CCDC191: variants seen among roughly 807,000 people sequenced by gnomAD.
The protein encoded by CCDC191 is coiled-coil domain containing 191.
A neutral mutation model predicts 114.0 loss-of-function variants in CCDC191; 99 were observed. The observed-to-expected ratio is 0.87, with a 90% CI of 0.74 to 1.03. The LOEUF (loss-of-function observed/expected upper bound fraction) is 1.03, where lower values mean the gene tolerates loss of function less well. Among genes scored for constraint, CCDC191 ranks in the 50% least tolerant of loss-of-function variants. The probability of loss-of-function intolerance (pLI) is 0.00; values close to 1 mark genes in which losing one functional copy is unlikely to be tolerated. For synonymous variants in CCDC191, 351 were observed against 376.0 expected, an observed-to-expected ratio of 0.93 and a Z score of 0.77; for missense variants, 973 against 1,087.0, an observed-to-expected ratio of 0.90 and a Z score of 1.47.
intron 13 of CCDC191, among the ~76,000 whole-genome samples, chr3:113,993,115 TAA>T (rs928748610): frequency 6.6e-6 from 1 of 151,584 alleles, no homozygotes; most frequent in Non-Finnish European, 1.5e-5. Context: ...CCTTGCATGA[TAA>T]AAAAAAATTT....
At chr3:114,036,812 G>T (rs964646051) in intron 4 of CCDC191, 26 bp from the exon 5 acceptor site, 11 of 1,463,710 alleles carry the variant, frequency 7.5e-6, no homozygotes, top group Middle Eastern at 1.8e-4. Context: ...CAACAAAAAA[G>T]GGAATTTTTT....
At chr3:114,023,442 C>T (rs1255935722) in intron 7 of CCDC191, among the ~76,000 whole-genome samples, 1 of 152,192 alleles carries the variant, frequency 6.6e-6, no homozygotes, top group Non-Finnish European at 1.5e-5. Flanking sequence ...ATCTCACTAC[C>T]TGACTTCAAG....
intron 8 of CCDC191, among the ~76,000 whole-genome samples, chr3:114,011,266 G>A (rs1371023015): frequency 1.3e-5 from 2 of 151,946 alleles, no homozygotes; most frequent in East Asian, 3.8e-4. Flanking sequence ...CTGTTCTCAT[G>A]TCACAAGGGC....
chr3:114,038,691 A>G (rs940804796), intron 4 of CCDC191, among the ~76,000 whole-genome samples: 8 of 152,212 alleles, frequency 5.3e-5, no homozygotes, highest in Non-Finnish European at 7.3e-5. Flanking sequence ...GTTGAGGAAT[A>G]CTATGCAGCC....
At chr3:113,975,386 T>C (rs1343348860) in intron 16 of CCDC191, among the ~76,000 whole-genome samples, 2 of 152,220 alleles carry the variant, frequency 1.3e-5, no homozygotes, top group African/African-American at 2.4e-5. Flanking sequence ...TCATATAAAA[T>C]TGAATATGAA....
At chr3:114,030,580 ACT>A (rs1265405447) in intron 7 of CCDC191, among the ~76,000 whole-genome samples, 1 of 152,090 alleles carries the variant, frequency 6.6e-6, no homozygotes, top group African/African-American at 2.4e-5. Context: ...TGAAGCCAAA[ACT>A]CTGACCAAAT....
At chr3:113,989,945 C>T (rs181006835) in intron 13 of CCDC191, among the ~76,000 whole-genome samples, 84 of 152,266 alleles carry the variant, frequency 5.5e-4, no homozygotes, top group Non-Finnish European at 9.8e-4. Context: ...TGTGATCACA[C>T]CACTGCATTC....
intron 2 of CCDC191, among the ~76,000 whole-genome samples, chr3:114,051,698 T>C (rs2076699906): frequency 6.6e-6 from 1 of 152,210 alleles, no homozygotes; most frequent in Admixed American, 6.5e-5. Context: ...CCTTTCCATA[T>C]ATTCTCCCCT....
At chr3:114,008,707 A>G (rs2076016371) in intron 9 of CCDC191, among the ~76,000 whole-genome samples, 1 of 152,196 alleles carries the variant, frequency 6.6e-6, no homozygotes, top group Non-Finnish European at 1.5e-5. Flanking sequence ...AAAAGCATCA[A>G]TAGTCTTAAA....
chr3:114,056,553 G>C, upstream of CCDC191: 3 of 1,607,352 alleles, frequency 1.9e-6, no homozygotes, highest in Non-Finnish European at 2.5e-6. Flanking sequence ...GGGAATTGTA[G>C]TTCCTCCGCC....
At chr3:114,048,114 C>T (rs979296035) in intron 2 of CCDC191, among the ~76,000 whole-genome samples, 1 of 152,124 alleles carries the variant, frequency 6.6e-6, no homozygotes, top group African/African-American at 2.4e-5. Flanking sequence ...AAAACTTTGG[C>T]GTCCTTAATC....
intron 7 of CCDC191, among the ~76,000 whole-genome samples, chr3:114,030,322 C>T (rs1486750940): frequency 6.6e-6 from 1 of 152,088 alleles, no homozygotes; most frequent in Non-Finnish European, 1.5e-5. Flanking sequence ...AGAAAACACA[C>T]TTTATTTGTC....
At chr3:114,000,693 C>T (rs1487440986) in intron 13 of CCDC191, among the ~76,000 whole-genome samples, 2 of 151,866 alleles carry the variant, frequency 1.3e-5, no homozygotes, top group Non-Finnish European at 2.9e-5. Flanking sequence ...CTTTGCTGCC[C>T]GGGTTGGAGC....
rs1559903359 is a variant in CCDC191 at position 114,006,619 on chromosome 3, A to ATATATAT, written c.1414-658_1414-657insATATATA. On this transcript the variant is annotated intron_variant, in intron 9 of 16. Coordinates refer to ENST00000295878, the MANE Select transcript of CCDC191 (RefSeq NM_020817.2). The stretch of plus-strand genomic sequence containing the variant: ...ATATATATATATATATATATATATA[A>ATATATAT]ATATATATATTTTATATATAAAAAA... 1.2e-3 allele frequency among the ~76,000 whole-genome samples: 111 copies of ATATATAT among 92,486 alleles called. 2 individuals carry two copies. Among genetic ancestry groups the ATATATAT allele is most frequent in the Middle Eastern group, 0.012 (2 of 162 alleles). 60.7% of individuals were successfully genotyped at this position (92,486 alleles called of 152,430 possible).
chr3:113,971,966 A>G (rs1559868347), intron 16 of CCDC191, among the ~76,000 whole-genome samples: 1 of 152,142 alleles, frequency 6.6e-6, no homozygotes, highest in East Asian at 1.9e-4. Flanking sequence ...TTATTGATAT[A>G]TAGGTGTTCA....
At chr3:113,969,596 TAA>T (rs1447128511) in intron 16 of CCDC191, among the ~76,000 whole-genome samples, 1 of 152,200 alleles carries the variant, frequency 6.6e-6, no homozygotes, top group Non-Finnish European at 1.5e-5. Context: ...CACCATTTAT[TAA>T]AAGAGTGTCC....
chr3:114,036,111 A>C (rs1468141686), intron 5 of CCDC191, among the ~76,000 whole-genome samples: 1 of 152,166 alleles, frequency 6.6e-6, no homozygotes, highest in Non-Finnish European at 1.5e-5. Context: ...CCCTTTGGAG[A>C]AAAGAAAGTT....
intron 2 of CCDC191, among the ~76,000 whole-genome samples, chr3:114,049,296 G>A (rs1026732841): frequency 4.6e-5 from 7 of 152,142 alleles, no homozygotes; most frequent in African/African-American, 1.2e-4. Context: ...GGTAGCATAC[G>A]TCATGTATTA....
At chr3:114,028,325 GC>G (rs1239226045) in intron 7 of CCDC191, among the ~76,000 whole-genome samples, 1 of 132,670 alleles carries the variant, frequency 7.5e-6, no homozygotes, top group African/African-American at 2.9e-5. Context: ...TCGCTCTGTC[GC>G]CCAGGCTGGA....
Sources: gnomAD v4.1 joint callset for allele counts (sites outside exome capture counted in the v4.1 genomes callset) on GRCh38, gnomAD v4.1.1 for gene constraint, MANE v1.5 for transcripts, NCBI Gene and HGNC (gene_info 2026-07-23, HGNC 2026-07-21) for gene names.